The following PDS5B variants were observed in gnomAD, a reference collection of about 807,000 sequenced individuals.
The protein encoded by PDS5B is sister chromatid cohesion protein PDS5 homolog B.
A neutral mutation model predicts 184.1 loss-of-function variants in PDS5B; 51 were observed. That is an observed-to-expected ratio of 0.28 (90% confidence interval 0.22 to 0.35). The LOEUF (loss-of-function observed/expected upper bound fraction) is 0.35, where lower values mean the gene tolerates loss of function less well. Ranked by LOEUF, PDS5B falls within the 10% of genes least tolerant of loss-of-function variation. The pLI is 1.00. For synonymous variants in PDS5B, 566 were observed against 569.2 expected, an observed-to-expected ratio of 0.99 and a Z score of 0.08; for missense variants, 1,180 against 1,723.3, an observed-to-expected ratio of 0.68 and a Z score of 5.58.
intron 24 of PDS5B, among the ~76,000 whole-genome samples, chr13:32,750,655 C>A (rs1296104027): frequency 6.6e-6 from 1 of 151,972 alleles, no homozygotes; most frequent in Non-Finnish European, 1.5e-5. Flanking sequence ...GATTCTCCTG[C>A]CTCAGCCTCC....
chr13:32,681,909 T>C (rs921473828), intron 10 of PDS5B, among the ~76,000 whole-genome samples: 5 of 152,148 alleles, frequency 3.3e-5, no homozygotes, highest in Non-Finnish European at 7.4e-5. Context: ...AGTTAAAAAA[T>C]TAATTGCCCT....
chr13:32,669,723 A>G (rs1792965155), intron 7 of PDS5B, among the ~76,000 whole-genome samples: 1 of 152,192 alleles, frequency 6.6e-6, no homozygotes, highest in South Asian at 2.1e-4. Context: ...CAGGGGCCAG[A>G]GTGTTCTGAG....
chr13:32,685,712 C>A (rs1299586006), intron 11 of PDS5B, among the ~76,000 whole-genome samples: 1 of 152,114 alleles, frequency 6.6e-6, no homozygotes, highest in Non-Finnish European at 1.5e-5. Flanking sequence ...GTGGTGCCAT[C>A]ACGGCTCATT....
chr13:32,661,990 A>G (rs1386351055), intron 6 of PDS5B, among the ~76,000 whole-genome samples: 5 of 152,178 alleles, frequency 3.3e-5, no homozygotes, highest in African/African-American at 1.2e-4. Context: ...ATTATAATAA[A>G]AGGAAGAGTT....
At chr13:32,771,168 T>G (rs1205805689) in intron 33 of PDS5B, 1 of 156,280 alleles carries the variant, frequency 6.4e-6, no homozygotes, top group Non-Finnish European at 1.4e-5. Context: ...CTTTTATTCT[T>G]TGAACTTGTA....
At chr13:32,725,525 A>G (rs949289726) in intron 19 of PDS5B, among the ~76,000 whole-genome samples, 2 of 152,164 alleles carry the variant, frequency 1.3e-5, no homozygotes, top group Admixed American at 1.3e-4. Context: ...TTTAATGGGA[A>G]TGGTATTAAG....
At chr13:32,634,322 TA>T (rs2058504759) in intron 1 of PDS5B, among the ~76,000 whole-genome samples, 1 of 152,228 alleles carries the variant, frequency 6.6e-6, no homozygotes, top group African/African-American at 2.4e-5. Flanking sequence ...CCTTCACCAA[TA>T]TGTGCACATG....
chr13:32,687,861 G>A (rs1951440090), intron 12 of PDS5B, among the ~76,000 whole-genome samples: 1 of 152,078 alleles, frequency 6.6e-6, no homozygotes, highest in African/African-American at 2.4e-5. Flanking sequence ...TTTGCCTGTA[G>A]CAGATCAGAA....
At chr13:32,762,155 C>T (rs1954427622) in intron 30 of PDS5B, among the ~76,000 whole-genome samples, 1 of 152,032 alleles carries the variant, frequency 6.6e-6, no homozygotes, top group Admixed American at 6.6e-5. Context: ...TAAAATGATT[C>T]TTTGAGAAAA....
chr13:32,752,316 A>G (rs1954014172), intron 24 of PDS5B, among the ~76,000 whole-genome samples: 2 of 152,048 alleles, frequency 1.3e-5, no homozygotes, highest in Admixed American at 6.6e-5. Context: ...TATATAGAAA[A>G]ACGCGTAATA....
chr13:32,693,438 A>G (rs181387829), intron 13 of PDS5B, among the ~76,000 whole-genome samples: 1 of 151,894 alleles, frequency 6.6e-6, no homozygotes, highest in East Asian at 1.9e-4. Context: ...ATATTAAACG[A>G]TGTTCTTTGT....
intron 12 of PDS5B, 88 bp downstream of exon 12, chr13:32,687,373 C>T: frequency 1.0e-6 from 1 of 965,548 alleles, no homozygotes; most frequent in Non-Finnish European, 1.5e-6. Context: ...TCTTTATGAC[C>T]TTACACTCCT....
Position 32,602,195 on chromosome 13 carries a change from A to ACATT in PDS5B, c.-20+15602_-20+15603insCATT, listed in dbSNP as rs547690261. 9.4e-4 allele frequency among the ~76,000 whole-genome samples: 143 copies of ACATT among 152,044 alleles called. 1 individual carries two copies. Among genetic ancestry groups the ACATT allele is most frequent in the South Asian group, 7.9e-3 (38 of 4,816 alleles). On this transcript the variant is annotated intron_variant, in intron 1 of 34. Coordinates refer to ENST00000315596, the MANE Select transcript of PDS5B (RefSeq NM_015032.4). Reference sequence around the variant, plus strand: ...ACCATGTTGGTGTGCTGCACCTGTTAACTCGTCATTTACATTAGGTATATC... The same window carrying ACATT: ...ACCATGTTGGTGTGCTGCACCTGTTACATTACTCGTCATTTACATTAGGTATATC...
chr13:32,695,007 T>TA (rs1951662106), intron 14 of PDS5B, among the ~76,000 whole-genome samples: 2 of 151,898 alleles, frequency 1.3e-5, no homozygotes, highest in African/African-American at 2.4e-5. Flanking sequence ...CTTCCACACA[T>TA]ACACTTCATA....
At chr13:32,653,708 A>G (rs964449703) in intron 3 of PDS5B, among the ~76,000 whole-genome samples, 3 of 152,224 alleles carry the variant, frequency 2.0e-5, no homozygotes, top group African/African-American at 7.2e-5. Flanking sequence ...GAGCTGGTCC[A>G]TGTAGTTGTA....
At chr13:32,660,618 T>A (rs1950617654) in intron 6 of PDS5B, among the ~76,000 whole-genome samples, 1 of 152,200 alleles carries the variant, frequency 6.6e-6, no homozygotes, top group Admixed American at 6.5e-5. Context: ...CTAGCTTGGC[T>A]TTCTGCACTG....
intron 1 of PDS5B, among the ~76,000 whole-genome samples, chr13:32,611,724 G>C (rs1189135722): frequency 6.6e-6 from 1 of 151,876 alleles, no homozygotes; most frequent in Non-Finnish European, 1.5e-5. Flanking sequence ...GCCCAGGCTG[G>C]TCTTGAACTC....
At chr13:32,768,512 AAAGGACAG>A (rs1954657206) in intron 31 of PDS5B, among the ~76,000 whole-genome samples, 1 of 152,066 alleles carries the variant, frequency 6.6e-6, no homozygotes, top group African/African-American at 2.4e-5. Context: ...AATAACACTT[AAAGGACAG>A]GTGCAATGAC....
intron 1 of PDS5B, among the ~76,000 whole-genome samples, chr13:32,612,763 A>G (rs530639171): frequency 3.7e-4 from 56 of 152,280 alleles, no homozygotes; most frequent in African/African-American, 1.3e-3. Flanking sequence ...TGCCCATGTG[A>G]TGCCTTCCAC....
Sources: allele counts gnomAD v4.1 joint callset (sites outside exome capture counted in the v4.1 genomes callset), GRCh38; gene constraint gnomAD v4.1.1; transcripts MANE v1.5; gene names NCBI Gene and HGNC (gene_info 2026-07-23, HGNC 2026-07-21).